Variants in PAPPA2 observed in about 807,000 individuals in gnomAD.
PAPPA2 encodes pappalysin 2.
PAPPA2 carries 86 observed loss-of-function variants against 176.4 expected under a neutral mutation model. That is an observed-to-expected ratio of 0.49 (90% CI 0.41 to 0.58). PAPPA2 has a LOEUF of 0.58. PAPPA2 is among the 20% of genes least tolerant of loss of function. PAPPA2 has a pLI of 0.00. For synonymous variants in PAPPA2, 809 were observed against 852.2 expected (o/e 0.95, Z 0.88); for missense variants, 2,073 against 2,256.9 (o/e 0.92, Z 1.65).
intron 22 of PAPPA2, among the ~76,000 whole-genome samples, chr1:176,840,593 G>A (rs559952503): frequency 6.6e-6 from 1 of 152,234 alleles, no homozygotes; most frequent in African/African-American, 2.4e-5. Context: ...CCTGGGGGAG[G>A]TGGGATTATC....
intron 3 of PAPPA2, among the ~76,000 whole-genome samples, chr1:176,652,929 T>G (rs1055197924): frequency 6.6e-6 from 1 of 151,688 alleles, no homozygotes; most frequent in African/African-American, 2.4e-5. Flanking sequence ...CTCATTTTGG[T>G]TCTGGGACAT....
chr1:176,812,622 C>G (rs1316404309), intron 21 of PAPPA2, among the ~76,000 whole-genome samples: 1 of 152,128 alleles, frequency 6.6e-6, no homozygotes, highest in Non-Finnish European at 1.5e-5. Context: ...ATCCAATAGA[C>G]AGGCTCTTTC....
intron 21 of PAPPA2, among the ~76,000 whole-genome samples, chr1:176,839,294 G>A (rs9661035): frequency 6.6e-6 from 1 of 152,130 alleles, no homozygotes; most frequent in Admixed American, 6.5e-5. Flanking sequence ...GAGAAATAAT[G>A]CATTGGGCTG....
rs188439781 is a variant in PAPPA2 at position 176,506,698 on chromosome 1, T to C, written c.-917+43280T>C. 2.6e-4 allele frequency among the ~76,000 whole-genome samples: 40 copies of C among 152,300 alleles called. No individual in the cohort carries two copies. The East Asian group carries it at 7.5e-3, about 29-fold the overall frequency. ...AATGCTACTAATTTATGTGCATTGA[T>C]TTTGTATCCTGAAATCTTGCTAAAA... On this transcript the variant is annotated intron_variant, in intron 1 of 22. Transcript: ENST00000367662.
chr1:176,712,100 T>C, intron 12 of PAPPA2, 119 bp downstream of exon 12: 1 of 1,272,620 alleles, frequency 7.9e-7, no homozygotes, highest in South Asian at 1.7e-5. Context: ...TTTTCTTTTG[T>C]TATCTCAAAG....
intron 3 of PAPPA2, among the ~76,000 whole-genome samples, chr1:176,661,671 C>T (rs931299253): frequency 6.6e-6 from 1 of 151,662 alleles, no homozygotes; most frequent in East Asian, 1.9e-4. Context: ...AGAAGGAAGG[C>T]GGTCATCTCC....
chr1:176,771,814 G>A (rs545601147), intron 17 of PAPPA2, among the ~76,000 whole-genome samples: 16 of 152,202 alleles, frequency 1.1e-4, no homozygotes, highest in East Asian at 5.8e-4. Context: ...TGGGGGATCC[G>A]AAAGAACAAA....
intron 1 of PAPPA2, among the ~76,000 whole-genome samples, chr1:176,497,608 A>G (rs1228650512): frequency 6.6e-6 from 1 of 152,180 alleles, no homozygotes; most frequent in Non-Finnish European, 1.5e-5. Context: ...TCACACAAAA[A>G]AAAGGTTTTT....
At chr1:176,552,704 AG>A (rs1651034489) in intron 1 of PAPPA2, among the ~76,000 whole-genome samples, 1 of 152,162 alleles carries the variant, frequency 6.6e-6, no homozygotes, top group African/African-American at 2.4e-5. Context: ...GAATCCAGCC[AG>A]CTCCTGCTGT....
At chr1:176,486,325 T>G (rs1190533508) in intron 1 of PAPPA2, among the ~76,000 whole-genome samples, 2 of 152,226 alleles carry the variant, frequency 1.3e-5, no homozygotes, top group Non-Finnish European at 2.9e-5. Flanking sequence ...AATTAATGTC[T>G]TCTTTACTAA....
chr1:176,756,437 A>G (rs1304259850), intron 14 of PAPPA2, among the ~76,000 whole-genome samples: 1 of 152,184 alleles, frequency 6.6e-6, no homozygotes, highest in African/African-American at 2.4e-5. Context: ...CATGTTGTTC[A>G]AGGATCAGCT....
At chr1:176,767,895 G>A (rs570625294) in intron 15 of PAPPA2, among the ~76,000 whole-genome samples, 15 of 152,276 alleles carry the variant, frequency 9.9e-5, no homozygotes, top group Admixed American at 1.3e-4. Flanking sequence ...TTTTGTTGAC[G>A]CAAGAACCGA....
At chr1:176,735,609 G>A (rs901313033) in intron 12 of PAPPA2, among the ~76,000 whole-genome samples, 1 of 151,996 alleles carries the variant, frequency 6.6e-6, no homozygotes, top group Admixed American at 6.6e-5. Flanking sequence ...GTTAGATTGC[G>A]TAGTTAACAT....
At chr1:176,691,784 C>T (rs2102807507) in intron 5 of PAPPA2, among the ~76,000 whole-genome samples, 1 of 152,328 alleles carries the variant, frequency 6.6e-6, no homozygotes, top group Middle Eastern at 3.4e-3. Context: ...TGAAACTCCA[C>T]AAACGTTCAC....
At chr1:176,532,699 G>C (rs1434428488) in intron 1 of PAPPA2, among the ~76,000 whole-genome samples, 8 of 152,152 alleles carry the variant, frequency 5.3e-5, no homozygotes, top group Non-Finnish European at 1.5e-5. Flanking sequence ...TTCAGACGCA[G>C]TAAGGGTGTG....
At chr1:176,617,102 T>C (rs1351333843) in intron 3 of PAPPA2, among the ~76,000 whole-genome samples, 1 of 152,186 alleles carries the variant, frequency 6.6e-6, no homozygotes, top group Non-Finnish European at 1.5e-5. Context: ...ACCACTCTTA[T>C]AGGGGCTTTT....
chr1:176,496,515 C>T (rs773701629), intron 1 of PAPPA2, among the ~76,000 whole-genome samples: 4 of 152,022 alleles, frequency 2.6e-5, no homozygotes, highest in Non-Finnish European at 4.4e-5. Context: ...TGTTCCTTTA[C>T]GAGGCCTGTG....
At chr1:176,639,160 A>T (rs900610568) in intron 3 of PAPPA2, among the ~76,000 whole-genome samples, 1 of 152,040 alleles carries the variant, frequency 6.6e-6, no homozygotes, top group Non-Finnish European at 1.5e-5. Flanking sequence ...AAAAACTAGG[A>T]TGAACTCACA....
chr1:176,651,376 G>A (rs1443236482), intron 3 of PAPPA2, among the ~76,000 whole-genome samples: 1 of 151,364 alleles, frequency 6.6e-6, no homozygotes, highest in Non-Finnish European at 1.5e-5. Flanking sequence ...CTTCATATAT[G>A]AAGGATAGCT....
Sources: allele counts gnomAD v4.1 joint callset (sites outside exome capture counted in the v4.1 genomes callset), GRCh38; gene constraint gnomAD v4.1.1; transcripts MANE v1.5; gene names NCBI Gene and HGNC (gene_info 2026-07-23, HGNC 2026-07-21).